ROBO2: variants seen among roughly 807,000 people sequenced by gnomAD.
The protein encoded by ROBO2 is roundabout guidance receptor 2.
A neutral mutation model predicts 160.8 loss-of-function variants in ROBO2; 53 were observed. The observed-to-expected ratio is 0.33, with a 90% CI of 0.26 to 0.41. The LOEUF is 0.41. Among genes scored for constraint, ROBO2 ranks in the 10% least tolerant of loss-of-function variants. The pLI, the probability that ROBO2 is intolerant of heterozygous loss-of-function variation, is 1.00. For missense variants in ROBO2, 1,577 were observed against 1,722.4 expected (o/e 0.92, Z 1.49); for synonymous variants, 664 against 611.7 (o/e 1.09, Z -1.26).
chr3:76,009,325 G>T (rs1431003723), intron 2 of ROBO2, among the ~76,000 whole-genome samples: 2 of 152,016 alleles, frequency 1.3e-5, no homozygotes, highest in Admixed American at 6.6e-5. Context: ...GGATGGTCTC[G>T]ATCTCCTGAC....
intron 2 of ROBO2, among the ~76,000 whole-genome samples, chr3:76,674,775 C>A (rs2092364694): frequency 6.6e-6 from 1 of 152,178 alleles, no homozygotes; most frequent in Non-Finnish European, 1.5e-5. Context: ...CCAGGGGCTT[C>A]TCCAAGGTGG....
chr3:76,257,032 C>T (rs1167474603), intron 2 of ROBO2, among the ~76,000 whole-genome samples: 1 of 151,958 alleles, frequency 6.6e-6, no homozygotes, highest in Non-Finnish European at 1.5e-5. Flanking sequence ...TCCCCACGAC[C>T]CAAGCCCCTC....
intron 2 of ROBO2, among the ~76,000 whole-genome samples, chr3:76,537,670 G>A (rs1471497633): frequency 3.9e-5 from 6 of 152,126 alleles, no homozygotes; most frequent in Non-Finnish European, 8.8e-5. Context: ...CCTGGTTTCA[G>A]CACCAAGTAT....
At chr3:76,380,100 G>A (rs568440623) in intron 2 of ROBO2, among the ~76,000 whole-genome samples, 4 of 151,730 alleles carry the variant, frequency 2.6e-5, no homozygotes, top group Admixed American at 2.0e-4. Context: ...ATACATTTTT[G>A]GTGGGTTTTT....
chr3:76,190,968 A>C (rs1701979594), intron 2 of ROBO2, among the ~76,000 whole-genome samples: 1 of 152,108 alleles, frequency 6.6e-6, no homozygotes, highest in Non-Finnish European at 1.5e-5. Context: ...TGCATGCTTA[A>C]TTTAAAACAT....
At chr3:76,514,580 C>A (rs1251919533) in intron 2 of ROBO2, among the ~76,000 whole-genome samples, 1 of 152,030 alleles carries the variant, frequency 6.6e-6, no homozygotes, top group Admixed American at 6.6e-5. Flanking sequence ...TGCCATTATC[C>A]TTTTAATCTC....
chr3:77,576,838 C>T (rs547230359), intron 14 of ROBO2, among the ~76,000 whole-genome samples: 148 of 152,160 alleles, frequency 9.7e-4, no homozygotes, highest in African/African-American at 3.3e-3. Flanking sequence ...AATTATTTTT[C>T]CCAGTATGGG....
At chr3:77,548,018 CCA>C (rs1347105552) in intron 7 of ROBO2, among the ~76,000 whole-genome samples, 1 of 150,692 alleles carries the variant, frequency 6.6e-6, no homozygotes, top group African/African-American at 2.4e-5. Context: ...CACACACATA[CCA>C]CACACATACA....
intron 2 of ROBO2, among the ~76,000 whole-genome samples, chr3:75,978,084 G>T (rs1269087614): frequency 6.6e-6 from 1 of 151,472 alleles, no homozygotes; most frequent in African/African-American, 2.4e-5. Context: ...AGCTGTATCT[G>T]AAAAAATCAG....
At chr3:76,430,472 A>C (rs1340464793) in intron 2 of ROBO2, among the ~76,000 whole-genome samples, 1 of 151,972 alleles carries the variant, frequency 6.6e-6, no homozygotes, top group Non-Finnish European at 1.5e-5. Flanking sequence ...GTGTTTTTTT[A>C]ATCAGAAGCC....
intron 12 of ROBO2, 75 bp downstream of exon 13, chr3:77,565,195 G>A: frequency 6.7e-7 from 1 of 1,503,466 alleles, no homozygotes; most frequent in Non-Finnish European, 9.3e-7. Context: ...GGCTTGATGA[G>A]GAAATATACA....
chr3:76,359,990 T>C (rs72631203), intron 2 of ROBO2, among the ~76,000 whole-genome samples: 5,227 of 152,168 alleles, frequency 0.034, 321 homozygotes, highest in East Asian at 0.26. Flanking sequence ...AATTTATGGC[T>C]ATCATCTTTG....
At chr3:76,021,199 T>C (rs2066565106) in intron 2 of ROBO2, among the ~76,000 whole-genome samples, 1 of 151,772 alleles carries the variant, frequency 6.6e-6, no homozygotes, top group Admixed American at 6.6e-5. Flanking sequence ...TCCAAAATAT[T>C]GCCTAGATTG....
chr3:76,665,961 CATATAATAT>C (rs1226092136), intron 2 of ROBO2, among the ~76,000 whole-genome samples: 4 of 134,326 alleles, frequency 3.0e-5, no homozygotes, highest in Admixed American at 1.6e-4. Context: ...ATAATATATA[CATATAATAT>C]ATATAATATA....
chr3:76,697,570 C>T (rs1280254393), intron 2 of ROBO2, among the ~76,000 whole-genome samples: 2 of 152,092 alleles, frequency 1.3e-5, no homozygotes, highest in African/African-American at 4.8e-5. Flanking sequence ...TCGCTTGAAC[C>T]TGCGATTTCT....
At chr3:76,873,082 G>C (rs571752573) in intron 2 of ROBO2, among the ~76,000 whole-genome samples, 1 of 152,154 alleles carries the variant, frequency 6.6e-6, no homozygotes, top group African/African-American at 2.4e-5. Flanking sequence ...CTAAAAAATA[G>C]CCAGGAACTT....
chr3:76,580,339 TGTGTTTTTTTTTTTG>T (rs2085599533), intron 2 of ROBO2, among the ~76,000 whole-genome samples: 10 of 112,768 alleles, frequency 8.9e-5, no homozygotes, highest in South Asian at 3.2e-4. Context: ...TTTTTTTTTT[TGTGTTTTTTTTTTTG>T]TTTTTTTTTT....
At chr3:76,030,948 T>A (rs772861550) in intron 2 of ROBO2, among the ~76,000 whole-genome samples, 33 of 152,172 alleles carry the variant, frequency 2.2e-4, no homozygotes, top group Non-Finnish European at 4.4e-4. Context: ...ATCTATAAAT[T>A]ACCTTGGGGA....
intron 2 of ROBO2, among the ~76,000 whole-genome samples, chr3:76,926,788 C>T (rs1399978385): frequency 6.6e-6 from 1 of 152,122 alleles, no homozygotes; most frequent in African/African-American, 2.4e-5. Flanking sequence ...AGTAACTGAT[C>T]TTATCCCAAA....
Sources: allele counts gnomAD v4.1 joint callset (sites outside exome capture counted in the v4.1 genomes callset), GRCh38; gene constraint gnomAD v4.1.1; transcripts MANE v1.5; gene names NCBI Gene and HGNC (gene_info 2026-07-23, HGNC 2026-07-21).